Variants in ILDR1 observed in about 807,000 individuals in gnomAD.
The protein encoded by ILDR1 is immunoglobulin-like domain-containing receptor 1.
ILDR1 carries 56 observed loss-of-function variants against 62.4 expected under a neutral mutation model. That is an observed-to-expected ratio of 0.90 (90% CI 0.72 to 1.12). The LOEUF is 1.12. Among genes scored for constraint, ILDR1 ranks in the 50% most tolerant of loss-of-function variants. The pLI is 0.00. For synonymous variants in ILDR1, 284 were observed against 277.8 expected, an observed-to-expected ratio of 1.02 and a Z score of -0.22; for missense variants, 736 against 710.6, an observed-to-expected ratio of 1.04 and a Z score of -0.41.
At chr3:122,059,630 A>G in the ILDR1 span, among the ~76,000 whole-genome samples, 5 of 152,170 alleles carry the variant, frequency 3.3e-5, no homozygotes, top group Admixed American at 1.3e-4. Context: ...CAAGCTTTCC[A>G]TGTTGAACAC....
the ILDR1 span, among the ~76,000 whole-genome samples, chr3:122,040,476 T>A: frequency 6.6e-6 from 1 of 151,610 alleles, no homozygotes; most frequent in African/African-American, 2.4e-5. Context: ...AAAAATAATA[T>A]CTTAGAAAAC....
rs376948286 is a variant in ILDR1 at position 121,997,880 on chromosome 3, T to A, written c.646+3428A>T. ...GGCTGTTTACCACTATTAGGTGAAC[T>A]ATCAAGGGTTACTAAAATTTGGTCT... On this transcript the variant is annotated intron_variant, in intron 5 of 7. Transcript: ENST00000344209. 7.2e-5 allele frequency among the ~76,000 whole-genome samples: 11 copies of A among 152,238 alleles called. 1 individual carries two copies. The East Asian group carries it at 7.7e-4, about 11-fold the overall frequency.
At chr3:122,054,374 G>T in the ILDR1 span, among the ~76,000 whole-genome samples, 2 of 151,886 alleles carry the variant, frequency 1.3e-5, no homozygotes, top group Admixed American at 6.6e-5. Context: ...ATTTAGGAAG[G>T]CTGTCTTGGT....
rs1420905908 is a variant in ILDR1 at position 121,994,632 on chromosome 3, A to C, written c.647-319T>G. 9.9e-5 allele frequency among the ~76,000 whole-genome samples: 15 copies of C among 152,240 alleles called. 1 individual carries two copies. Among genetic ancestry groups the C allele is most frequent in the Admixed American group, 9.8e-4 (15 of 15,282 alleles). Reference sequence around the variant, plus strand: ...CCAAAATGCATAGGTAGATTCATGGATACTAGCATACAATGAATAAGTGGG... The same window carrying C: ...CCAAAATGCATAGGTAGATTCATGGCTACTAGCATACAATGAATAAGTGGG... On this transcript the variant is annotated intron_variant, in intron 5 of 7. Coordinates refer to ENST00000344209, the MANE Select transcript of ILDR1 (RefSeq NM_001199799.2).
At chr3:122,017,111 G>A (rs2071787149) in intron 1 of ILDR1, among the ~76,000 whole-genome samples, 1 of 151,838 alleles carries the variant, frequency 6.6e-6, no homozygotes, top group Admixed American at 6.6e-5. Flanking sequence ...GAAATGGCGC[G>A]ATCTCGGCTC....
Position 121,993,651 on chromosome 3 carries a change from C to G in ILDR1, c.1098G>C (p.Glu366Asp). 6.2e-7 allele frequency: 1 copy of G among 1,614,216 alleles called. No homozygotes were observed. The highest frequency in any genetic ancestry group is 1.3e-5 in the African/African-American group (1 of 75,054). ...PIPSRPWDLR[E>D]GRSHHHYPDF... The stretch of plus-strand genomic sequence containing the variant: ...CAGGGTAATGGTGGTGGCTTCTCCC[C>G]TCCCTCAGATCCCAGGGCCTGGAGG... Residue 366 changes from glutamate to aspartate, a missense_variant, in exon 7 of 8, where the codon GAG becomes GAC. Coordinates refer to ENST00000344209, the MANE Select transcript of ILDR1 (RefSeq NM_001199799.2).
At chr3:122,017,334 C>A (rs572877172) in intron 1 of ILDR1, among the ~76,000 whole-genome samples, 2 of 151,610 alleles carry the variant, frequency 1.3e-5, no homozygotes, top group South Asian at 4.2e-4. Context: ...CAGGCGTGAG[C>A]CACCGTGCCC....
the ILDR1 span, among the ~76,000 whole-genome samples, chr3:122,041,994 C>T: frequency 7.2e-6 from 1 of 139,138 alleles, no homozygotes; most frequent in Non-Finnish European, 1.5e-5. Context: ...TATACATGTG[C>T]CATGCTGGTG....
At chr3:122,010,458 A>G (rs113936889) in intron 1 of ILDR1, among the ~76,000 whole-genome samples, 10 of 152,310 alleles carry the variant, frequency 6.6e-5, no homozygotes, top group Non-Finnish European at 1.3e-4. Context: ...GTTTTGGGAA[A>G]AAAAGCTGCT....
At chr3:122,047,022 G>C in the ILDR1 span, among the ~76,000 whole-genome samples, 1 of 144,998 alleles carries the variant, frequency 6.9e-6, no homozygotes, top group African/African-American at 2.6e-5. Flanking sequence ...CAGTTTTTCT[G>C]TTCTGTTTTT....
At chr3:122,034,962 C>T in the ILDR1 span, among the ~76,000 whole-genome samples, 1 of 152,166 alleles carries the variant, frequency 6.6e-6, no homozygotes, top group African/African-American at 2.4e-5. Context: ...CCCACTGGGT[C>T]CCTCCCACAA....
At chr3:122,052,587 GTTTT>G in the ILDR1 span, among the ~76,000 whole-genome samples, 2 of 152,122 alleles carry the variant, frequency 1.3e-5, no homozygotes, top group African/African-American at 2.4e-5. Flanking sequence ...TGTTGTTGTT[GTTTT>G]GAGACGGAGC....
chr3:122,036,715 T>G, the ILDR1 span, among the ~76,000 whole-genome samples: 1 of 151,998 alleles, frequency 6.6e-6, no homozygotes. Flanking sequence ...TTTGCATAAG[T>G]AAAGAGGAGC....
intron 1 of ILDR1, among the ~76,000 whole-genome samples, chr3:122,018,772 G>C (rs577428450): frequency 6.6e-6 from 1 of 152,176 alleles, no homozygotes; most frequent in Non-Finnish European, 1.5e-5. Context: ...GGATTCTGGG[G>C]AGGTATTCAG....
rs144533401 is a variant in ILDR1 at position 121,993,514 on chromosome 3, G to A, written c.1235C>T (p.Pro412Leu). 72 of 1,614,094 alleles carry A rather than the reference G, an allele frequency of 4.5e-5. No individual in the cohort carries two copies. Among genetic ancestry groups the A allele is most frequent in the Non-Finnish European group, 2.4e-5 (28 of 1,180,050 alleles). Residue 412 changes from proline (P) to leucine (L), a missense_variant, in exon 7 of 8, where the codon CCC (proline) becomes CTC (leucine). Pro to Leu is a moderately conservative substitution (Grantham distance 98, BLOSUM62 -3). Transcript: ENST00000344209. ...GCTGTCCCTGTCTGACCAGTGTATG[G>A]GTGACCCATTCAGCCTAGAGCTACG... ...RHRSSRLNGS[P>L]IHWSDRDSLS...
chr3:122,007,957 G>C (rs929465013), intron 1 of ILDR1, among the ~76,000 whole-genome samples: 2 of 152,146 alleles, frequency 1.3e-5, no homozygotes, highest in Non-Finnish European at 2.9e-5. Flanking sequence ...CATGCTTCTT[G>C]TTGATGGTCT....
chr3:122,034,471 C>T, the ILDR1 span, among the ~76,000 whole-genome samples: 4 of 152,154 alleles, frequency 2.6e-5, no homozygotes, highest in South Asian at 2.1e-4. Flanking sequence ...AGCTCATATA[C>T]AGAAAAACAA....
At chr3:122,037,942 C>T in the ILDR1 span, among the ~76,000 whole-genome samples, 11 of 151,242 alleles carry the variant, frequency 7.3e-5, no homozygotes, top group African/African-American at 2.7e-4. Context: ...CTCTCTGTCT[C>T]TCTGTCTCTG....
At chr3:121,994,017 T>C in intron 6 of ILDR1, 47 bp from the exon 7 acceptor site, 2 of 1,571,946 alleles carry the variant, frequency 1.3e-6, no homozygotes, top group Non-Finnish European at 1.7e-6. Flanking sequence ...GCCCAAAACA[T>C]ACACCTCAGA....
Sources: allele counts gnomAD v4.1 joint callset (sites outside exome capture counted in the v4.1 genomes callset), GRCh38; gene constraint gnomAD v4.1.1; transcripts MANE v1.5; gene names NCBI Gene and HGNC (gene_info 2026-07-23, HGNC 2026-07-21).